ANKRD11: variants seen among roughly 807,000 people sequenced by gnomAD.
The protein encoded by ANKRD11 is ankyrin repeat domain 11.
In ANKRD11, 17 loss-of-function variants were observed where a neutral mutation model predicts 195.7. That is an observed-to-expected ratio of 0.09 (90% CI 0.06 to 0.13). The LOEUF is 0.13. Ranked by LOEUF, ANKRD11 falls within the 10% of genes least tolerant of loss-of-function variation. The pLI is 1.00. For synonymous variants in ANKRD11, 1,953 were observed against 1,528.1 expected, an observed-to-expected ratio of 1.28 and a Z score of -6.49; for missense variants, 3,735 against 3,566.1, an observed-to-expected ratio of 1.05 and a Z score of -1.21.
chr16:89,440,208 G>A (rs906704124), intron 1 of ANKRD11, among the ~76,000 whole-genome samples: 1 of 152,190 alleles, frequency 6.6e-6, no homozygotes, highest in African/African-American at 2.4e-5. Context: ...AGAATTCAGT[G>A]TGCTGTAATT....
chr16:89,385,461 G>A (rs2040866759), intron 2 of ANKRD11, among the ~76,000 whole-genome samples: 1 of 151,992 alleles, frequency 6.6e-6, no homozygotes, highest in South Asian at 2.1e-4. Context: ...AGAGCAGACT[G>A]AGCCCGTCCA....
chr16:89,439,121 T>C (rs961706617), intron 1 of ANKRD11, among the ~76,000 whole-genome samples: 2 of 152,086 alleles, frequency 1.3e-5, no homozygotes, highest in Non-Finnish European at 2.9e-5. Context: ...AAACTCCCTC[T>C]GTGTGGCACG....
At chr16:89,347,933 G>A (rs941914084) in intron 2 of ANKRD11, among the ~76,000 whole-genome samples, 2 of 151,950 alleles carry the variant, frequency 1.3e-5, no homozygotes, top group East Asian at 1.9e-4. Context: ...AATAGGTATG[G>A]GATTTTGTCT....
At chr16:89,360,876 T>C (rs2039699026) in intron 2 of ANKRD11, 1 of 152,310 alleles carries the variant, frequency 6.6e-6, no homozygotes, top group South Asian at 2.1e-4. Context: ...TGCATGTGGT[T>C]AAGACCTGCA....
chr16:89,327,599 C>G (rs2037802505), intron 2 of ANKRD11, among the ~76,000 whole-genome samples: 1 of 152,168 alleles, frequency 6.6e-6, no homozygotes, highest in Admixed American at 6.5e-5. Context: ...GAAATAAAGA[C>G]AGTACCATCC....
chr16:89,327,891 T>C (rs944318885), intron 2 of ANKRD11, among the ~76,000 whole-genome samples: 1 of 152,046 alleles, frequency 6.6e-6, no homozygotes, highest in African/African-American at 2.4e-5. Context: ...ATAAACGACC[T>C]CGACAAAATT....
intron 2 of ANKRD11, among the ~76,000 whole-genome samples, chr16:89,349,683 T>A (rs1019986781): frequency 6.6e-6 from 1 of 152,134 alleles, no homozygotes; most frequent in Non-Finnish European, 1.5e-5. Context: ...GACTGAAAAC[T>A]ATGTATCTTG....
At chr16:89,275,666 T>G (rs1231747096) in intron 9 of ANKRD11, among the ~76,000 whole-genome samples, 1 of 152,000 alleles carries the variant, frequency 6.6e-6, no homozygotes, top group African/African-American at 2.4e-5. Context: ...CCGGTGGTCT[T>G]GCAGTGGCTC....
chr16:89,271,236 GAC>G, intron 11 of ANKRD11: 1 of 335,270 alleles, frequency 3.0e-6, no homozygotes, highest in Non-Finnish European at 5.5e-6. Context: ...TCCTGGGAGA[GAC>G]TTTTTTTTTT....
At chr16:89,464,607 T>TAAAAA (rs377695519) in intron 1 of ANKRD11, among the ~76,000 whole-genome samples, 4 of 116,322 alleles carry the variant, frequency 3.4e-5, no homozygotes, top group East Asian at 2.3e-4. Context: ...GACTCCATCT[T>TAAAAA]AAAAAAAAAA....
intron 1 of ANKRD11, among the ~76,000 whole-genome samples, chr16:89,487,408 C>G (rs1444428916): frequency 1.3e-5 from 2 of 152,250 alleles, no homozygotes; most frequent in Middle Eastern, 6.3e-3. Flanking sequence ...GATGGGCTCT[C>G]TGCCCATATG....
At chr16:89,481,287 G>C (rs2057435832) in intron 1 of ANKRD11, among the ~76,000 whole-genome samples, 1 of 152,068 alleles carries the variant, frequency 6.6e-6, no homozygotes, top group African/African-American at 2.4e-5. Context: ...TCTTCTTAAG[G>C]CTGCATGTGA....
chr16:89,361,697 TAGA>T (rs1388581048), intron 2 of ANKRD11: 6 of 152,130 alleles, frequency 3.9e-5, no homozygotes, highest in Admixed American at 3.9e-4. Context: ...CACCAATCAG[TAGA>T]AGATCACCAC....
intron 3 of ANKRD11, among the ~76,000 whole-genome samples, chr16:89,311,245 T>C (rs1238210721): frequency 6.6e-6 from 1 of 152,258 alleles, no homozygotes; most frequent in Non-Finnish European, 1.5e-5. Context: ...TGGTTGGTCA[T>C]GGTACATTAT....
chr16:89,370,040 G>T (rs140781637), intron 2 of ANKRD11, among the ~76,000 whole-genome samples: 107 of 152,340 alleles, frequency 7.0e-4, no homozygotes, highest in African/African-American at 2.5e-3. Flanking sequence ...ATCCAGTAAC[G>T]AGAACGCAAA....
chr16:89,300,715 A>G (rs1021948145), intron 4 of ANKRD11: 2 of 538,970 alleles, frequency 3.7e-6, no homozygotes, highest in South Asian at 4.8e-5. Flanking sequence ...GACGTCAGGA[A>G]AAGACTGAAG....
chr16:89,315,946 C>A (rs1286390855), intron 3 of ANKRD11, among the ~76,000 whole-genome samples: 1 of 152,168 alleles, frequency 6.6e-6, no homozygotes, highest in Admixed American at 6.5e-5. Flanking sequence ...CAGGTAGTGA[C>A]CTGGGGACCA....
chr16:89,432,796 T>A lies in ANKRD11; in HGVS notation c.-144-14428A>T, dbSNP rs186668701. 2.4e-4 allele frequency among the ~76,000 whole-genome samples: 37 copies of A among 152,132 alleles called. No individual in the cohort carries two copies. The East Asian group carries it at 6.8e-3, about 28-fold the overall frequency. On this transcript the variant is annotated intron_variant, in intron 1 of 12. Coordinates refer to ENST00000301030, the MANE Select transcript of ANKRD11 (RefSeq NM_013275.6). ...CCCATCCCTATAAAAAATTAAAAAATTTGGCATGGTGGTACACGCCTGTGG... is the reference window on the plus strand; with the variant it reads ...CCCATCCCTATAAAAAATTAAAAAAATTGGCATGGTGGTACACGCCTGTGG...
At chr16:89,403,360 A>G (rs2041780218) in intron 2 of ANKRD11, among the ~76,000 whole-genome samples, 1 of 152,092 alleles carries the variant, frequency 6.6e-6, no homozygotes, top group South Asian at 2.1e-4. Context: ...GTGGAAGAAC[A>G]TGGAGGAGCT....
Sources: allele counts gnomAD v4.1 joint callset (sites outside exome capture counted in the v4.1 genomes callset), GRCh38; gene constraint gnomAD v4.1.1; transcripts MANE v1.5; gene names NCBI Gene and HGNC (gene_info 2026-07-23, HGNC 2026-07-21).